The following SMYD3 variants were observed in gnomAD, a reference collection of about 807,000 sequenced individuals.
The protein encoded by SMYD3 is SET and MYND domain containing 3, also known as histone-lysine N-methyltransferase SMYD3.
SMYD3 carries 36 observed loss-of-function variants against 57.7 expected under a neutral mutation model. The observed-to-expected ratio is 0.62, with a 90% confidence interval of 0.48 to 0.82. SMYD3 has a LOEUF of 0.82. Among genes scored for constraint, SMYD3 ranks in the 40% least tolerant of loss-of-function variants. SMYD3 has a pLI of 0.00. For synonymous variants in SMYD3, 211 were observed against 195.0 expected (o/e 1.08, Z -0.68); for missense variants, 515 against 538.8 (o/e 0.96, Z 0.44).
At chr1:246,238,772 A>T (rs1034444435) in intron 5 of SMYD3, among the ~76,000 whole-genome samples, 4 of 152,164 alleles carry the variant, frequency 2.6e-5, no homozygotes, top group African/African-American at 9.6e-5. Flanking sequence ...AAGCCTAGAT[A>T]ATTAGATAAA....
chr1:246,137,612 G>C (rs2061683234), intron 5 of SMYD3, among the ~76,000 whole-genome samples: 1 of 152,066 alleles, frequency 6.6e-6, no homozygotes, highest in Admixed American at 6.6e-5. Context: ...TAAATATAGT[G>C]GCCAGATCAA....
intron 5 of SMYD3, among the ~76,000 whole-genome samples, chr1:246,058,473 TA>T (rs1248912393): frequency 6.6e-6 from 1 of 152,254 alleles, no homozygotes; most frequent in African/African-American, 2.4e-5. Context: ...CCCCATTCAG[TA>T]ACCTGAAGCA....
intron 5 of SMYD3, among the ~76,000 whole-genome samples, chr1:246,000,323 TG>T (rs1249644425): frequency 6.7e-6 from 1 of 149,952 alleles, no homozygotes; most frequent in East Asian, 2.0e-4. Context: ...CCAGAAGGGG[TG>T]GGAAGAGACA....
At chr1:246,454,612 G>A (rs1034250) in intron 1 of SMYD3, among the ~76,000 whole-genome samples, 78,672 of 151,806 alleles carry the variant, frequency 0.52, 20,648 homozygotes, top group Middle Eastern at 0.68. Context: ...AACTGATGAG[G>A]GATTATTAAA....
chr1:245,859,184 A>T (rs1040930000), intron 9 of SMYD3, among the ~76,000 whole-genome samples: 2 of 152,324 alleles, frequency 1.3e-5, no homozygotes, highest in East Asian at 1.9e-4. Flanking sequence ...ACCCACAGGC[A>T]CACACTAGGT....
At chr1:246,506,226 G>A (rs1051921765) in intron 1 of SMYD3, among the ~76,000 whole-genome samples, 1 of 152,198 alleles carries the variant, frequency 6.6e-6, no homozygotes, top group Non-Finnish European at 1.5e-5. Flanking sequence ...TTGACTGAAT[G>A]CAGTTCCTAT....
chr1:246,147,629 G>A (rs970330530), intron 5 of SMYD3, among the ~76,000 whole-genome samples: 4 of 151,844 alleles, frequency 2.6e-5, no homozygotes, highest in African/African-American at 4.8e-5. Flanking sequence ...GCAGGCAGGC[G>A]CCCCGCCTTC....
At chr1:245,935,001 CCT>C (rs941893597) in intron 5 of SMYD3, among the ~76,000 whole-genome samples, 7 of 152,064 alleles carry the variant, frequency 4.6e-5, no homozygotes, top group Non-Finnish European at 8.8e-5. Context: ...CTAATGGACC[CCT>C]GATTAAAGAC....
chr1:246,342,841 A>G (rs1276124957), intron 2 of SMYD3, among the ~76,000 whole-genome samples: 1 of 152,164 alleles, frequency 6.6e-6, no homozygotes, highest in East Asian at 1.9e-4. Flanking sequence ...TGAGGAACCT[A>G]TAATATGAGA....
At chr1:246,348,800 T>TC (rs1018424893) in intron 2 of SMYD3, among the ~76,000 whole-genome samples, 8 of 150,580 alleles carry the variant, frequency 5.3e-5, no homozygotes, top group Admixed American at 4.6e-4. Flanking sequence ...AAAAATAAAT[T>TC]TTTTTCTTTA....
intron 10 of SMYD3, among the ~76,000 whole-genome samples, chr1:245,847,920 G>A (rs1366440297): frequency 6.6e-6 from 1 of 152,056 alleles, no homozygotes; most frequent in East Asian, 1.9e-4. Flanking sequence ...CATACACACT[G>A]GTCAACACAA....
intron 5 of SMYD3, among the ~76,000 whole-genome samples, chr1:245,938,461 T>A (rs2057072954): frequency 6.6e-6 from 1 of 152,204 alleles, no homozygotes; most frequent in South Asian, 2.1e-4. Context: ...ACTTTAATTA[T>A]GCAGTCAAGA....
At chr1:246,307,558 T>A (rs1277662544) in intron 5 of SMYD3, among the ~76,000 whole-genome samples, 1 of 151,204 alleles carries the variant, frequency 6.6e-6, no homozygotes, top group Non-Finnish European at 1.5e-5. Flanking sequence ...TAGCTGGGAC[T>A]ACAGGCGCCC....
At chr1:245,993,631 T>TAGATAGATAGATAGAC (rs1436642900) in intron 5 of SMYD3, among the ~76,000 whole-genome samples, 32 of 120,132 alleles carry the variant, frequency 2.7e-4, no homozygotes, top group East Asian at 5.2e-4. Flanking sequence ...GATAGATAGA[T>TAGATAGATAGATAGAC]AGACAGACAG....
At chr1:246,463,519 T>G (rs891839302) in intron 1 of SMYD3, among the ~76,000 whole-genome samples, 15 of 151,924 alleles carry the variant, frequency 9.9e-5, no homozygotes, top group African/African-American at 3.4e-4. Flanking sequence ...ACTAGACAGT[T>G]AAATACAAGA....
Position 246,237,077 on chromosome 1 carries a change from C to T in SMYD3, c.531+90124G>A, listed in dbSNP as rs756194631. On this transcript the variant is annotated intron_variant, in intron 5 of 11. Transcript: ENST00000490107. Reference sequence around the variant, plus strand: ...TAAACCAAAGAGACGACCACATTAACTCAATAGCATCCCCCCACTTGTCAA... The same window carrying T: ...TAAACCAAAGAGACGACCACATTAATTCAATAGCATCCCCCCACTTGTCAA... 2.0e-5 allele frequency among the ~76,000 whole-genome samples: 3 copies of T among 152,254 alleles called. No individual in the cohort carries two copies. In the East Asian group the frequency reaches 5.8e-4, roughly 29 times the overall value.
intron 8 of SMYD3, among the ~76,000 whole-genome samples, chr1:245,876,153 C>G (rs1265524091): frequency 6.6e-6 from 1 of 152,152 alleles, no homozygotes; most frequent in Admixed American, 6.5e-5. Flanking sequence ...CACACACATC[C>G]CAGGAATATG....
chr1:246,277,231 T>C (rs973211680), intron 5 of SMYD3, among the ~76,000 whole-genome samples: 3 of 149,474 alleles, frequency 2.0e-5, no homozygotes, highest in Non-Finnish European at 1.5e-5. Context: ...GAAAAGAAGA[T>C]GTACAAATGA....
intron 7 of SMYD3, among the ~76,000 whole-genome samples, chr1:245,919,173 G>T (rs1304308307): frequency 6.6e-6 from 1 of 152,168 alleles, no homozygotes; most frequent in Non-Finnish European, 1.5e-5. Flanking sequence ...CTTTGAGAGA[G>T]ATCTTCCTAA....
Sources: gnomAD v4.1 joint callset for allele counts (sites outside exome capture counted in the v4.1 genomes callset) on GRCh38, gnomAD v4.1.1 for gene constraint, MANE v1.5 for transcripts, NCBI Gene and HGNC (gene_info 2026-07-23, HGNC 2026-07-21) for gene names.